The following SORCS3 variants were observed in gnomAD, a reference collection of about 807,000 sequenced individuals.
SORCS3 encodes the protein sortilin related VPS10 domain containing receptor 3.
SORCS3 carries 57 observed loss-of-function variants against 146.3 expected under a neutral mutation model. The ratio of observed to expected loss-of-function variants is 0.39; its 90% confidence interval spans 0.31 to 0.49. SORCS3 has a LOEUF of 0.49. Among genes scored for constraint, SORCS3 ranks in the 20% least tolerant of loss-of-function variants. SORCS3 has a pLI of 0.92. For synonymous variants in SORCS3, 653 were observed against 618.5 expected (o/e 1.06, Z -0.83); for missense variants, 1,341 against 1,575.5 (o/e 0.85, Z 2.52).
intron 3 of SORCS3, among the ~76,000 whole-genome samples, chr10:104,973,941 A>G (rs886522291): frequency 1.2e-4 from 18 of 151,932 alleles, no homozygotes; most frequent in Admixed American, 1.2e-3. Context: ...TTCTGCCTTC[A>G]TTTCATTACG....
intron 25 of SORCS3, among the ~76,000 whole-genome samples, chr10:105,258,996 C>T (rs1326027320): frequency 6.6e-6 from 1 of 152,040 alleles, no homozygotes; most frequent in Non-Finnish European, 1.5e-5. Flanking sequence ...TTTTTTTGGT[C>T]TCTTTTCCCC....
At chr10:104,934,837 T>G (rs1251078271) in intron 3 of SORCS3, among the ~76,000 whole-genome samples, 2 of 152,250 alleles carry the variant, frequency 1.3e-5, no homozygotes, top group African/African-American at 4.8e-5. Context: ...TAATACTATC[T>G]GTGAAAACAG....
chr10:104,664,142 G>A (rs1476478209), intron 1 of SORCS3, among the ~76,000 whole-genome samples: 2 of 152,150 alleles, frequency 1.3e-5, no homozygotes, highest in Non-Finnish European at 2.9e-5. Context: ...GGAAGAAGGT[G>A]CAGGCTGTCT....
chr10:104,671,216 T>G (rs1032408649), intron 1 of SORCS3, among the ~76,000 whole-genome samples: 4 of 151,786 alleles, frequency 2.6e-5, no homozygotes, highest in Admixed American at 6.6e-5. Context: ...CCTTGACTTG[T>G]TCCTGATCCT....
At chr10:104,643,330 G>C (rs2015450111) in intron 1 of SORCS3, among the ~76,000 whole-genome samples, 1 of 152,220 alleles carries the variant, frequency 6.6e-6, no homozygotes, top group Non-Finnish European at 1.5e-5. Flanking sequence ...TCTAATAAGA[G>C]GAAAGCGAGG....
At chr10:104,952,961 G>A (rs1315002178) in intron 3 of SORCS3, among the ~76,000 whole-genome samples, 1 of 152,192 alleles carries the variant, frequency 6.6e-6, no homozygotes, top group East Asian at 1.9e-4. Context: ...CATGTTTTGA[G>A]CAAACAGGTA....
chr10:104,714,766 T>G (rs571766628), intron 1 of SORCS3, among the ~76,000 whole-genome samples: 2 of 152,198 alleles, frequency 1.3e-5, no homozygotes, highest in Non-Finnish European at 2.9e-5. Context: ...CATGCCAGTT[T>G]TAGATTCAGA....
intron 1 of SORCS3, among the ~76,000 whole-genome samples, chr10:104,660,891 G>T (rs554707049): frequency 6.4e-4 from 98 of 152,264 alleles, no homozygotes; most frequent in South Asian, 5.6e-3. Flanking sequence ...GCCAAAGACT[G>T]GCTCTTCTCT....
chr10:104,888,844 A>T (rs1019628028), intron 2 of SORCS3, among the ~76,000 whole-genome samples: 2 of 152,164 alleles, frequency 1.3e-5, no homozygotes, highest in African/African-American at 4.8e-5. Context: ...GGAGTGACTG[A>T]GTTGGCTGGA....
At chr10:105,243,071 T>TTATA (rs565524993) in intron 20 of SORCS3, among the ~76,000 whole-genome samples, 2 of 138,358 alleles carry the variant, frequency 1.4e-5, no homozygotes, top group African/African-American at 5.4e-5. Flanking sequence ...TTATATATAT[T>TTATA]TATATATATA....
intron 1 of SORCS3, chr10:104,822,006 C>A: frequency 8.4e-6 from 4 of 478,396 alleles, no homozygotes; most frequent in Non-Finnish European, 1.6e-5. Flanking sequence ...CACACCTGGG[C>A]ACTTTCATAC....
At chr10:104,898,809 G>C (rs2018823638) in intron 2 of SORCS3, among the ~76,000 whole-genome samples, 1 of 152,186 alleles carries the variant, frequency 6.6e-6, no homozygotes, top group African/African-American at 2.4e-5. Flanking sequence ...CGAAAGCACT[G>C]CATAGAACAG....
At chr10:105,115,820 A>G (rs1251246166) in intron 7 of SORCS3, among the ~76,000 whole-genome samples, 1 of 152,210 alleles carries the variant, frequency 6.6e-6, no homozygotes, top group Non-Finnish European at 1.5e-5. Context: ...CTATTTGGAG[A>G]TGTTTTAAAT....
chr10:105,078,056 A>G (rs2055600200), intron 5 of SORCS3, among the ~76,000 whole-genome samples: 1 of 152,248 alleles, frequency 6.6e-6, no homozygotes, highest in Non-Finnish European at 1.5e-5. Flanking sequence ...CAAGCAAATC[A>G]CAGATGACTG....
chr10:105,149,482 G>A (rs942108350), intron 9 of SORCS3, among the ~76,000 whole-genome samples: 1 of 152,072 alleles, frequency 6.6e-6, no homozygotes, highest in African/African-American at 2.4e-5. Flanking sequence ...AATACCTTTG[G>A]GAAGCTTACA....
At chr10:105,138,579 CCT>C (rs1462170153) in intron 7 of SORCS3, among the ~76,000 whole-genome samples, 11 of 152,284 alleles carry the variant, frequency 7.2e-5, no homozygotes, top group Non-Finnish European at 1.2e-4. Context: ...ATTAATTTCC[CCT>C]GAGTTAGGAT....
intron 2 of SORCS3, among the ~76,000 whole-genome samples, chr10:104,905,085 T>A (rs776509517): frequency 2.0e-5 from 3 of 152,240 alleles, no homozygotes; most frequent in Non-Finnish European, 4.4e-5. Flanking sequence ...GAGATTGTTT[T>A]TCATGCCCTA....
intron 12 of SORCS3, 47 bp from the exon 13 acceptor site, chr10:105,167,211 A>C (rs772269174): frequency 2.5e-5 from 36 of 1,446,650 alleles, no homozygotes; most frequent in Non-Finnish European, 3.5e-5. Flanking sequence ...GCACTATGCA[A>C]ATGTAAGGTG....
chr10:105,155,647 A>T (rs1327812899), intron 9 of SORCS3, among the ~76,000 whole-genome samples: 1 of 152,220 alleles, frequency 6.6e-6, no homozygotes, highest in African/African-American at 2.4e-5. Context: ...TAGTCCCTAG[A>T]TGAGCATTTG....
Sources: gnomAD v4.1 joint callset for allele counts (sites outside exome capture counted in the v4.1 genomes callset) on GRCh38, gnomAD v4.1.1 for gene constraint, MANE v1.5 for transcripts, NCBI Gene and HGNC (gene_info 2026-07-23, HGNC 2026-07-21) for gene names.